The following ENDOD1 variants were observed in gnomAD, a reference collection of about 807,000 sequenced individuals.
The protein encoded by ENDOD1 is endonuclease domain containing 1.
Under a neutral mutation model 6.5 loss-of-function variants are expected in ENDOD1, and 9 were observed. The ratio of observed to expected loss-of-function variants is 1.39; its 90% confidence interval spans 0.84 to 2.43. The LOEUF is 2.43. Among genes scored for constraint, ENDOD1 ranks in the 30% most tolerant of loss-of-function variants. The probability of loss-of-function intolerance (pLI) is 0.00; values close to 1 mark genes in which losing one functional copy is unlikely to be tolerated. For missense variants in ENDOD1, 648 were observed against 635.5 expected (o/e 1.02, Z -0.21); for synonymous variants, 255 against 255.2 (o/e 1.00, Z 0.01).
chr11:95,102,130 C>T (rs1196784540), intron 1 of ENDOD1, among the ~76,000 whole-genome samples: 1 of 152,068 alleles, frequency 6.6e-6, no homozygotes, highest in Non-Finnish European at 1.5e-5. Flanking sequence ...CCCGAAGTCA[C>T]AAGGCCAGTA....
At chr11:95,095,031 A>G (rs1858969659) in intron 1 of ENDOD1, among the ~76,000 whole-genome samples, 2 of 144,832 alleles carry the variant, frequency 1.4e-5, no homozygotes, top group Admixed American at 1.3e-4. Flanking sequence ...AGTAGGTGCT[A>G]GGCGTGTGCA....
chr11:95,111,844 C>T (rs2134168778), intron 1 of ENDOD1, among the ~76,000 whole-genome samples: 1 of 152,300 alleles, frequency 6.6e-6, no homozygotes, highest in South Asian at 2.1e-4. Flanking sequence ...CTATGTCATG[C>T]AGAGACTCAA....
intron 1 of ENDOD1, among the ~76,000 whole-genome samples, chr11:95,121,739 T>C (rs1014838686): frequency 6.6e-6 from 1 of 152,212 alleles, no homozygotes; most frequent in Non-Finnish European, 1.5e-5. Context: ...AATTTCAAAA[T>C]GAATTTATTG....
chr11:95,109,367 G>A (rs2134167571), intron 1 of ENDOD1, among the ~76,000 whole-genome samples: 2 of 152,352 alleles, frequency 1.3e-5, no homozygotes, highest in South Asian at 4.1e-4. Context: ...TTAGAGGAGA[G>A]CCAGTTCTCT....
intron 1 of ENDOD1, among the ~76,000 whole-genome samples, chr11:95,114,106 T>C (rs1233770900): frequency 6.6e-6 from 1 of 152,226 alleles, no homozygotes; most frequent in East Asian, 1.9e-4. Flanking sequence ...TTGCTCATTT[T>C]TTATGTTTCA....
intron 1 of ENDOD1, among the ~76,000 whole-genome samples, chr11:95,124,834 T>C (rs542508802): frequency 1.3e-4 from 20 of 152,196 alleles, no homozygotes; most frequent in Non-Finnish European, 2.8e-4. Context: ...CTCCTCTGAT[T>C]GCAGCACTGG....
Position 95,090,333 on chromosome 11 carries a change from C to T in ENDOD1, c.300+106C>T, listed in dbSNP as rs1555109743. 6 of 1,315,446 alleles carry T rather than the reference C, an allele frequency of 4.6e-6. No homozygotes were observed. The East Asian group carries it at 1.6e-4, about 34-fold the overall frequency. The allele number at this position is 1,315,446 out of a possible 1,614,324, so 81.5% of individuals were successfully genotyped here. A position where few individuals can be genotyped will look rare whatever the true frequency, so the allele number is the denominator to read the frequency against. ...AGGGGCGGGCCGGGAACAGCAATCC[C>T]TACGCCTTCGGTGCCTTGGGCCAAG... is the stretch of plus-strand genomic sequence containing the variant. On this transcript the variant is annotated intron_variant, in intron 1 of 1. Transcript: ENST00000278505.
chr11:95,109,345 C>G (rs1265519873), intron 1 of ENDOD1, among the ~76,000 whole-genome samples: 2 of 152,192 alleles, frequency 1.3e-5, no homozygotes, highest in Non-Finnish European at 2.9e-5. Context: ...TGCAGCAGAT[C>G]AAGGAGCAGA....
chr11:95,113,557 T>C (rs1435233065), intron 1 of ENDOD1, among the ~76,000 whole-genome samples: 1 of 152,258 alleles, frequency 6.6e-6, no homozygotes, highest in Non-Finnish European at 1.5e-5. Context: ...GTTCCATCTA[T>C]GTTGTTGCAA....
rs1415984229 is a variant in ENDOD1 at position 95,130,528 on chromosome 11, C to T, written c.*949C>T. 3.3e-5 allele frequency: 5 copies of T among 152,088 alleles called. No homozygotes were observed. The highest frequency in any genetic ancestry group is 1.3e-4 in the Admixed American group (2 of 15,262). The allele number at this position is 152,088 out of a possible 1,614,324, so 9.4% of individuals were successfully genotyped here. A position where few individuals can be genotyped will look rare whatever the true frequency, so the allele number is the denominator to read the frequency against. On this transcript the variant is annotated 3_prime_UTR_variant, in exon 2 of 2. Transcript: ENST00000278505. Reference sequence around the variant, plus strand: ...TTAAGCTAACATGAAAATTCATATTCTGCAACATAGTAGATTTTTCTAATG... The same window carrying T: ...TTAAGCTAACATGAAAATTCATATTTTGCAACATAGTAGATTTTTCTAATG...
chr11:95,121,247 G>A (rs1859259793), intron 1 of ENDOD1, among the ~76,000 whole-genome samples: 1 of 152,114 alleles, frequency 6.6e-6, no homozygotes, highest in African/African-American at 2.4e-5. Flanking sequence ...CTGCCATCTT[G>A]CTGTGCTCCC....
At chr11:95,128,253 C>G in intron 1 of ENDOD1, 124 bp from the exon 2 acceptor site, 1 of 1,159,870 alleles carries the variant, frequency 8.6e-7, no homozygotes. Flanking sequence ...CCAAGTCCTT[C>G]CAAACTCAAG....
At chr11:95,122,625 G>C (rs117663700) in intron 1 of ENDOD1, among the ~76,000 whole-genome samples, 5,245 of 100,114 alleles carry the variant, frequency 0.052, 133 homozygotes, top group Non-Finnish European at 0.073. Flanking sequence ...CACACACACA[G>C]ACACTTTAGC....
chr11:95,101,642 T>G (rs1292613253), intron 1 of ENDOD1, among the ~76,000 whole-genome samples: 1 of 152,218 alleles, frequency 6.6e-6, no homozygotes, highest in African/African-American at 2.4e-5. Context: ...TTGTGTGTAT[T>G]TATGTAACAT....
intron 1 of ENDOD1, among the ~76,000 whole-genome samples, chr11:95,119,427 T>G (rs575324815): frequency 2.0e-4 from 30 of 152,384 alleles, no homozygotes; most frequent in Non-Finnish European, 4.4e-5. Flanking sequence ...GTGGTACCAC[T>G]TTGATAGTCT....
At chr11:95,113,202 T>C (rs1170096186) in intron 1 of ENDOD1, among the ~76,000 whole-genome samples, 1 of 152,052 alleles carries the variant, frequency 6.6e-6, no homozygotes, top group Non-Finnish European at 1.5e-5. Context: ...GAAAATGGGG[T>C]ATCCTTACTC....
chr11:95,091,191 T>C (rs891137454), intron 1 of ENDOD1, among the ~76,000 whole-genome samples: 1 of 152,060 alleles, frequency 6.6e-6, no homozygotes, highest in Non-Finnish European at 1.5e-5. Context: ...CTCACCAGCC[T>C]CCCACCCCTG....
At position 95,090,034 on chromosome 11, in the gene ENDOD1, A is replaced by C. The variant is rs1555109648; in HGVS notation, c.107A>C (p.Lys36Thr). 6.3e-7 allele frequency: 1 copy of C among 1,598,032 alleles called. No homozygotes were observed. The highest frequency in any genetic ancestry group is 2.3e-5 in the East Asian group (1 of 43,570). Residue 36 changes from lysine (K) to threonine (T), a missense_variant, in exon 1 of 2, where the codon AAG becomes ACG. Transcript: ENST00000278505. ...GAAGCCGGCTTTGGCGAATGTGACA[A>C]GTTCTTCTACGCCGGGACCCCGCCT... ...EEEAGFGECD[K>T]FFYAGTPPAG...
In ENDOD1 at chr11:95,114,620, A is replaced by G. The variant is rs181835354; in HGVS notation, c.301-13757A>G. ...TCCCCAGTGTTTTCTGTAGTTTCAT[A>G]GTTTGAGGTATTAGATTTAAGTTTT... On this transcript the variant is annotated intron_variant, in intron 1 of 1. Coordinates refer to ENST00000278505, the MANE Select transcript of ENDOD1 (RefSeq NM_015036.3). Among the ~76,000 whole-genome samples the G allele has an allele frequency of 1.8e-4, 27 of 152,256 alleles. No individual in the cohort carries two copies. In the East Asian group the frequency reaches 4.2e-3, roughly 24 times the overall value.
Sources: allele counts gnomAD v4.1 joint callset (sites outside exome capture counted in the v4.1 genomes callset), GRCh38; gene constraint gnomAD v4.1.1; transcripts MANE v1.5; gene names NCBI Gene and HGNC (gene_info 2026-07-23, HGNC 2026-07-21).